The following CCDC126 variants were observed in gnomAD, a reference collection of about 807,000 sequenced individuals.
The protein encoded by CCDC126 is coiled-coil domain containing 126.
In CCDC126, 5 loss-of-function variants were observed where a neutral mutation model predicts 11.7. The observed-to-expected ratio is 0.43, with a 90% CI of 0.22 to 0.90. The LOEUF (loss-of-function observed/expected upper bound fraction) is 0.90, where lower values mean the gene tolerates loss of function less well. Among genes scored for constraint, CCDC126 ranks in the 40% least tolerant of loss-of-function variants. CCDC126 has a pLI of 0.27. For missense variants in CCDC126, 150 were observed against 163.1 expected, an observed-to-expected ratio of 0.92 and a Z score of 0.44; for synonymous variants, 60 against 61.9, an observed-to-expected ratio of 0.97 and a Z score of 0.14.
At chr7:23,627,319 A>G (rs1163069051) in intron 3 of CCDC126, among the ~76,000 whole-genome samples, 1 of 151,962 alleles carries the variant, frequency 6.6e-6, no homozygotes, top group Non-Finnish European at 1.5e-5. Flanking sequence ...AGTTGAGACC[A>G]ACTTGGGCAA....
chr7:23,620,052 G>A (rs1418033532), intron 3 of CCDC126, among the ~76,000 whole-genome samples: 2 of 152,144 alleles, frequency 1.3e-5, no homozygotes, highest in Non-Finnish European at 2.9e-5. Context: ...ACGTGTGCGT[G>A]TGTCTTTATA....
chr7:23,618,874 T>G (rs1438986406), intron 3 of CCDC126, among the ~76,000 whole-genome samples: 1 of 151,998 alleles, frequency 6.6e-6, no homozygotes, highest in Non-Finnish European at 1.5e-5. Flanking sequence ...TATTACACAG[T>G]ATCAATGTAT....
At chr7:23,629,604 TAGAA>T (rs1432430638) in intron 3 of CCDC126, among the ~76,000 whole-genome samples, 1 of 148,804 alleles carries the variant, frequency 6.7e-6, no homozygotes, top group Admixed American at 6.7e-5. Flanking sequence ...AAAAAAAAAA[TAGAA>T]AGTCTCAGGA....
intron 3 of CCDC126, among the ~76,000 whole-genome samples, chr7:23,630,225 G>A (rs1171186533): frequency 1.3e-5 from 2 of 152,214 alleles, no homozygotes; most frequent in African/African-American, 4.8e-5. Flanking sequence ...GAGGCAGGGT[G>A]TGGTGGCTCT....
At chr7:23,614,921 C>G (rs772454024) in intron 3 of CCDC126, among the ~76,000 whole-genome samples, 21 of 152,294 alleles carry the variant, frequency 1.4e-4, no homozygotes, top group Non-Finnish European at 2.8e-4. Context: ...AGAATAGATT[C>G]AGCATAATTC....
chr7:23,597,837 G>A (rs1782454263), intron 1 of CCDC126, 130 bp from the exon 2 acceptor site: 1 of 152,262 alleles, frequency 6.6e-6, no homozygotes, highest in Non-Finnish European at 1.5e-5. Flanking sequence ...GACAGCCGCG[G>A]CGCCTCGGCT....
At chr7:23,606,082 C>G (rs962457615) in intron 2 of CCDC126, among the ~76,000 whole-genome samples, 1 of 151,336 alleles carries the variant, frequency 6.6e-6, no homozygotes, top group Admixed American at 6.6e-5. Context: ...TTTTTGAGAC[C>G]GAGTCTTGCT....
At chr7:23,625,908 T>A (rs111790473) in intron 3 of CCDC126, among the ~76,000 whole-genome samples, 66 of 151,938 alleles carry the variant, frequency 4.3e-4, no homozygotes, top group African/African-American at 1.6e-3. Flanking sequence ...CCACCCGCCT[T>A]GGCCTCCCAA....
chr7:23,618,964 C>G (rs978383210), intron 3 of CCDC126, among the ~76,000 whole-genome samples: 1 of 152,130 alleles, frequency 6.6e-6, no homozygotes, highest in African/African-American at 2.4e-5. Context: ...TGGAGAAGCA[C>G]TTCCTGTCTG....
intron 3 of CCDC126, among the ~76,000 whole-genome samples, chr7:23,623,346 C>T (rs766304030): frequency 2.0e-5 from 3 of 151,990 alleles, no homozygotes; most frequent in African/African-American, 7.3e-5. Flanking sequence ...GCCTGTGGTA[C>T]AGCACTTTGA....
intron 3 of CCDC126, among the ~76,000 whole-genome samples, chr7:23,633,309 G>GGAGGGAGGATCACTT (rs1783147878): frequency 1.3e-5 from 2 of 151,634 alleles, no homozygotes; most frequent in South Asian, 4.6e-4. Flanking sequence ...GCAATCTTAA[G>GGAGGGAGGATCACTT]AAGAGAAGTA....
intron 3 of CCDC126, among the ~76,000 whole-genome samples, chr7:23,638,859 TTAAC>T (rs1783296796): frequency 2.3e-5 from 1 of 42,974 alleles, no homozygotes; most frequent in Non-Finnish European, 4.3e-5. Flanking sequence ...CAATAATAAA[TTAAC>T]AAAAAAAAAA....
intron 3 of CCDC126, among the ~76,000 whole-genome samples, chr7:23,628,441 A>G (rs958011988): frequency 6.6e-6 from 1 of 152,186 alleles, no homozygotes; most frequent in Non-Finnish European, 1.5e-5. Flanking sequence ...AAGGCAGCCT[A>G]GCAAGCTAGA....
At chr7:23,614,969 T>C (rs1782773163) in intron 3 of CCDC126, among the ~76,000 whole-genome samples, 1 of 152,176 alleles carries the variant, frequency 6.6e-6, no homozygotes, top group Admixed American at 6.5e-5. Flanking sequence ...TAAATGAGCA[T>C]TGGTTTCAAC....
chr7:23,600,384 C>A (rs548188754), intron 2 of CCDC126, among the ~76,000 whole-genome samples: 3 of 145,464 alleles, frequency 2.1e-5, no homozygotes, highest in South Asian at 2.4e-4. Flanking sequence ...ACCCCCCCCC[C>A]CCCACCACCA....
chr7:23,622,378 A>T lies in CCDC126; in HGVS notation c.238+10825A>T, dbSNP rs191843286. ...CTAGTTTATTTGTGTAGAGGTGTTT[A>T]TAGTATTCTCTGGTGGTAGTTTGTA... On this transcript the variant is annotated intron_variant, in intron 3 of 3. Coordinates refer to ENST00000307471, the MANE Select transcript of CCDC126 (RefSeq NM_138771.4). 355 of 324,696 alleles carry T rather than the reference A, an allele frequency of 1.1e-3. 4 individuals carry two copies. The highest frequency in any genetic ancestry group is 6.7e-3 in the African/African-American group (309 of 45,924). 20.1% of individuals were successfully genotyped at this position (324,696 alleles called of 1,614,324 possible).
chr7:23,643,218 A>C lies in CCDC126; in HGVS notation c.*103A>C, dbSNP rs1783397798. 7.3e-6 allele frequency: 7 copies of C among 955,916 alleles called. No individual in the cohort carries two copies. Among genetic ancestry groups the C allele is most frequent in the Non-Finnish European group, 1.1e-5 (7 of 654,878 alleles). 59.2% of individuals were successfully genotyped at this position (955,916 alleles called of 1,614,324 possible). ...TAGGACAGAGCAATACTTTACAATAAAAGCTCTACACATTTTCAAGGAGTA... is the reference window on the plus strand; with the variant it reads ...TAGGACAGAGCAATACTTTACAATACAAGCTCTACACATTTTCAAGGAGTA... On this transcript the variant is annotated 3_prime_UTR_variant, in exon 4 of 4. Transcript: ENST00000307471.
At chr7:23,637,866 C>T (rs1208313923) in intron 3 of CCDC126, among the ~76,000 whole-genome samples, 24 of 114,956 alleles carry the variant, frequency 2.1e-4, no homozygotes, top group South Asian at 3.3e-4. Flanking sequence ...GCCCGGCCGG[C>T]CGCCCCGTCC....
At chr7:23,603,276 TG>T (rs1782571430) in intron 2 of CCDC126, among the ~76,000 whole-genome samples, 1 of 152,228 alleles carries the variant, frequency 6.6e-6, no homozygotes, top group African/African-American at 2.4e-5. Flanking sequence ...TATAATACTT[TG>T]ATTTATGTGA....
Sources: gnomAD v4.1 joint callset for allele counts (sites outside exome capture counted in the v4.1 genomes callset) on GRCh38, gnomAD v4.1.1 for gene constraint, MANE v1.5 for transcripts, NCBI Gene and HGNC (gene_info 2026-07-23, HGNC 2026-07-21) for gene names.